PRDX2: variants seen among roughly 807,000 people sequenced by gnomAD.
PRDX2 encodes peroxiredoxin-2.
PRDX2 carries 10 observed loss-of-function variants against 19.8 expected under a neutral mutation model. The observed-to-expected ratio is 0.50, with a 90% CI of 0.31 to 0.86. The LOEUF (loss-of-function observed/expected upper bound fraction) is 0.86. Ranked by LOEUF, PRDX2 falls within the 40% of genes least tolerant of loss-of-function variation. The pLI, the probability that PRDX2 is intolerant of heterozygous loss-of-function variation, is 0.04. For synonymous variants in PRDX2, 118 were observed against 108.2 expected (o/e 1.09, Z -0.56); for missense variants, 226 against 260.1 (o/e 0.87, Z 0.90).
At chr19:12,797,370 G>T (rs1968808894) in intron 5 of PRDX2, among the ~76,000 whole-genome samples, 2 of 151,082 alleles carry the variant, frequency 1.3e-5, no homozygotes, top group Non-Finnish European at 2.9e-5. Context: ...TGTTGCCCAG[G>T]CTGAAGTACA....
intron 5 of PRDX2, 23 bp from the exon 6 acceptor site, chr19:12,797,189 A>C (rs768699877): frequency 6.2e-7 from 1 of 1,605,424 alleles, no homozygotes; most frequent in Non-Finnish European, 8.5e-7. Context: ...ACAAGGATGC[A>C]CATGAAGGCT....
intron 5 of PRDX2, 43 bp from the exon 6 acceptor site, chr19:12,797,209 G>T: frequency 6.4e-7 from 1 of 1,570,482 alleles, no homozygotes; most frequent in South Asian, 1.1e-5. Flanking sequence ...TACAGCCCCA[G>T]GTTCAAGGTG....
rs750102779 is a variant in PRDX2, at chr19:12,797,120, G to A, written c.558C>T (p.Asn186=). 47 of 1,614,058 alleles carry A rather than the reference G, an allele frequency of 2.9e-5. No homozygotes were observed. Among genetic ancestry groups the A allele is most frequent in the Admixed American group, 2.0e-4 (12 of 60,002 alleles). The change falls in exon 6 of 6, where the codon AAC becomes AAT. Residue 186 remains asparagine, a synonymous_variant. Transcript: ENST00000301522. ...AGAAATATTCCTTGCTGTCATCCAC[G>A]TTGGGCTTAATCGTGTCACTGCCAG... ...WKPGSDTIKP[N]VDDSKEYFSK...
intron 3 of PRDX2, chr19:12,800,552 A>G: frequency 1.2e-6 from 1 of 827,072 alleles, no homozygotes; most frequent in Non-Finnish European, 1.8e-6. Flanking sequence ...ATCACCCAGC[A>G]GAGAGCCTGT....
At chr19:12,800,810 G>A in intron 3 of PRDX2, 106 bp downstream of exon 3, 4 of 1,549,892 alleles carry the variant, frequency 2.6e-6, no homozygotes, top group Non-Finnish European at 3.5e-6. Flanking sequence ...TTTTCACGAT[G>A]GGGAAACGCA....
intron 5 of PRDX2, among the ~76,000 whole-genome samples, chr19:12,798,571 G>A (rs113092178): frequency 0.051 from 7,663 of 149,734 alleles, 699 homozygotes; most frequent in African/African-American, 0.18. Context: ...AGCTTGTCTC[G>A]AACTCCCGAC....
rs759995608 is a variant in PRDX2 at position 12,800,266 on chromosome 19, G to T, written c.291C>A (p.Gly97=). The T allele has an allele frequency of 1.2e-6, 2 of 1,613,454 alleles. No individual in the cohort carries two copies. The highest frequency in any genetic ancestry group is 1.7e-6 in the Non-Finnish European group (2 of 1,179,828). The change falls in exon 4 of 6, where the codon GGC becomes GGA. Residue 97 remains glycine (G), a synonymous_variant. Coordinates refer to ENST00000301522, the MANE Select transcript of PRDX2 (RefSeq NM_005809.6). ...CAGCAAGCAGGGGGATGTTCAGGGG[G>T]CCCAAGCCTCCCTCTTTCCGGGGGG... The part of the protein sequence containing the change: ...INTPRKEGGL[G]PLNIPLLADV...
At chr19:12,800,485 G>C in intron 3 of PRDX2, 186 bp from the exon 4 acceptor site, 1 of 844,516 alleles carries the variant, frequency 1.2e-6, no homozygotes, top group Non-Finnish European at 1.8e-6. Context: ...TGGGAAGACT[G>C]AGTTTGAGAG....
chr19:12,801,598 G>A, intron 1 of PRDX2, 142 bp downstream of exon 1: 1 of 426,528 alleles, frequency 2.3e-6, no homozygotes, highest in Non-Finnish European at 4.3e-6. Flanking sequence ...GCGCTGCAAG[G>A]CTGTGGCCTC....
rs376703454 is a variant in PRDX2, at chr19:12,797,074, A to G, written c.*7T>C. 3.1e-6 allele frequency: 5 copies of G among 1,613,626 alleles called. No homozygotes were observed. The highest frequency in any genetic ancestry group is 3.4e-6 in the Non-Finnish European group (4 of 1,179,940). ...CAGGGGCACAAGCTCACTATCCGTT[A>G]GCCAGCCTAATTGTGTTTGGAGAAA... On this transcript the variant is annotated 3_prime_UTR_variant, in exon 6 of 6. Transcript: ENST00000301522.
At chr19:12,799,703 A>C in intron 5 of PRDX2, 156 bp downstream of exon 5, 1 of 1,052,246 alleles carries the variant, frequency 9.5e-7, no homozygotes. Flanking sequence ...TTTGTCTCCT[A>C]CCACATTAGA....
At chr19:12,800,807 G>T (rs1288221837) in intron 3 of PRDX2, 109 bp downstream of exon 3, 2 of 1,549,244 alleles carry the variant, frequency 1.3e-6, no homozygotes, top group South Asian at 1.2e-5. Context: ...TTATTTTCAC[G>T]ATGGGGAAAC....
chr19:12,797,629 TTTTC>T (rs1968813924), intron 5 of PRDX2, among the ~76,000 whole-genome samples: 1 of 149,744 alleles, frequency 6.7e-6, no homozygotes, highest in Non-Finnish European at 1.5e-5. Flanking sequence ...TATTTTCTCT[TTTTC>T]TTTTCTTCTT....
chr19:12,800,551 CA>C, intron 3 of PRDX2: 1 of 823,926 alleles, frequency 1.2e-6, no homozygotes, highest in Non-Finnish European at 1.8e-6. Context: ...CATCACCCAG[CA>C]GAGAGCCTGT....
At chr19:12,801,134 T>G in intron 2 of PRDX2, 25 bp downstream of exon 2, 9 of 1,613,930 alleles carry the variant, frequency 5.6e-6, no homozygotes, top group Non-Finnish European at 7.6e-6. Flanking sequence ...CGCTTCTACC[T>G]GGGCCCCCTC....
At chr19:12,797,656 C>CTTTCTTTTTTTTTTTTTTTTTTT (rs1321932913) in intron 5 of PRDX2, among the ~76,000 whole-genome samples, 7 of 113,066 alleles carry the variant, frequency 6.2e-5, no homozygotes, top group South Asian at 5.5e-4. Flanking sequence ...TTCTTTCTTT[C>CTTTCTTTTTTTTTTTTTTTTTTT]TTTTTTTTTT....
rs1177603701 is a variant in PRDX2, at chr19:12,797,052, G to A, written c.*29C>T. The stretch of plus-strand genomic sequence containing the variant: ...ACACCCAGCACAGGCACCTAGGCAG[G>A]GGCACAAGCTCACTATCCGTTAGCC... On this transcript the variant is annotated 3_prime_UTR_variant, in exon 6 of 6. Transcript: ENST00000301522. The A allele has an allele frequency of 1.9e-6, 3 of 1,611,262 alleles. No individual in the cohort carries two copies. The highest frequency in any genetic ancestry group is 1.7e-6 in the Non-Finnish European group (2 of 1,178,576).
chr19:12,801,747 G>A lies in PRDX2; in HGVS notation c.-17C>T. 3.2e-6 allele frequency: 1 copy of A among 315,994 alleles called. No individual in the cohort carries two copies. Among genetic ancestry groups the A allele is most frequent in the Non-Finnish European group, 5.8e-6 (1 of 171,906 alleles). 19.6% of individuals were successfully genotyped at this position (315,994 alleles called of 1,614,324 possible). On this transcript the variant is annotated 5_prime_UTR_variant, in exon 1 of 6. Transcript: ENST00000301522. ...CACTCCGGGTGTTCATACCTGCGTG[G>A]GCAAAGGCTAGACGCACGGACGATC... is the stretch of plus-strand genomic sequence containing the variant.
rs568014457 is a variant in PRDX2, at chr19:12,800,576, A to G, written c.258-277T>C. On this transcript the variant is annotated intron_variant, in intron 3 of 5. Transcript: ENST00000301522. ...CAGAGAGCCTGTGTTAAGAGTCCCCATCCTCCTCTAGCTGTGTCATGGGGT... is the reference window on the plus strand; with the variant it reads ...CAGAGAGCCTGTGTTAAGAGTCCCCGTCCTCCTCTAGCTGTGTCATGGGGT... 55 of 950,832 alleles carry G rather than the reference A, an allele frequency of 5.8e-5. No individual in the cohort carries two copies. The East Asian group carries it at 1.5e-3, about 26-fold the overall frequency. The allele number at this position is 950,832 out of a possible 1,614,324, so 58.9% of individuals were successfully genotyped here.
Sources: allele counts gnomAD v4.1 joint callset (sites outside exome capture counted in the v4.1 genomes callset), GRCh38; gene constraint gnomAD v4.1.1; transcripts MANE v1.5; gene names NCBI Gene and HGNC (gene_info 2026-07-23, HGNC 2026-07-21).